SMARCC1: variants seen among roughly 807,000 people sequenced by gnomAD.
SMARCC1 encodes SWI/SNF related BAF chromatin remodeling complex subunit C1, also known as SWI/SNF complex subunit SMARCC1.
Under a neutral mutation model 147.4 loss-of-function variants are expected in SMARCC1, and 43 were observed. The observed-to-expected ratio is 0.29, with a 90% CI of 0.23 to 0.38. The LOEUF (loss-of-function observed/expected upper bound fraction) is 0.38. Ranked by LOEUF, SMARCC1 falls within the 10% of genes least tolerant of loss-of-function variation. SMARCC1 has a pLI of 1.00. For synonymous variants in SMARCC1, 495 were observed against 484.4 expected, an observed-to-expected ratio of 1.02 and a Z score of -0.29; for missense variants, 1,119 against 1,381.1, an observed-to-expected ratio of 0.81 and a Z score of 3.01.
At chr3:47,646,296 T>A (rs933054048) in intron 21 of SMARCC1, among the ~76,000 whole-genome samples, 1 of 152,260 alleles carries the variant, frequency 6.6e-6, no homozygotes, top group African/African-American at 2.4e-5. Flanking sequence ...CTCTTTGGTC[T>A]AAATTCTGGT....
At chr3:47,632,853 G>A (rs2032910999) in intron 24 of SMARCC1, among the ~76,000 whole-genome samples, 1 of 151,974 alleles carries the variant, frequency 6.6e-6, no homozygotes, top group Non-Finnish European at 1.5e-5. Flanking sequence ...CTCTACTAAA[G>A]AGTTTGAAAT....
chr3:47,645,342 A>T (rs1010014742), intron 21 of SMARCC1, among the ~76,000 whole-genome samples: 1 of 151,868 alleles, frequency 6.6e-6, no homozygotes, highest in Admixed American at 6.6e-5. Context: ...CCCCACAGTG[A>T]GTATGAGCAG....
chr3:47,614,568 C>T (rs565317523), intron 25 of SMARCC1, among the ~76,000 whole-genome samples: 132 of 152,280 alleles, frequency 8.7e-4, no homozygotes, highest in Non-Finnish European at 1.7e-3. Context: ...TTTTTCTAAA[C>T]TTACTATTTG....
chr3:47,773,503 A>G (rs556000252), intron 1 of SMARCC1, among the ~76,000 whole-genome samples: 2 of 152,324 alleles, frequency 1.3e-5, no homozygotes, highest in South Asian at 4.1e-4. Flanking sequence ...TCAGCTAGGA[A>G]GCTTCACAGC....
intron 26 of SMARCC1, among the ~76,000 whole-genome samples, chr3:47,592,449 A>G (rs2032199195): frequency 6.6e-6 from 1 of 152,328 alleles, no homozygotes; most frequent in Admixed American, 6.5e-5. Flanking sequence ...TCCTCCAACC[A>G]TTTAAACTAT....
Position 47,781,879 on chromosome 3 carries a change from C to G in SMARCC1, c.-82G>C. The G allele has an allele frequency of 3.0e-6, 3 of 998,264 alleles. No homozygotes were observed. The highest frequency in any genetic ancestry group is 3.8e-5 in the South Asian group (1 of 26,086). The allele number at this position is 998,264 out of a possible 1,614,324, so 61.8% of individuals were successfully genotyped here. On this transcript the variant is annotated 5_prime_UTR_variant, in exon 1 of 28. Coordinates refer to ENST00000254480, the MANE Select transcript of SMARCC1 (RefSeq NM_003074.4). Reference sequence around the variant, plus strand: ...GGTCGTTCCCGCGCGCACCCCCGCGCGCGTAGCCGCCACTGCCGCTTCCCG... The same window carrying G: ...GGTCGTTCCCGCGCGCACCCCCGCGGGCGTAGCCGCCACTGCCGCTTCCCG...
chr3:47,721,599 T>C (rs1374899474), intron 6 of SMARCC1, among the ~76,000 whole-genome samples: 1 of 152,184 alleles, frequency 6.6e-6, no homozygotes, highest in Admixed American at 6.5e-5. Flanking sequence ...AAGTAAAAAT[T>C]ACTTTCCAGT....
chr3:47,698,794 A>G (rs1038429752), intron 11 of SMARCC1, among the ~76,000 whole-genome samples: 14 of 152,084 alleles, frequency 9.2e-5, no homozygotes, highest in African/African-American at 3.4e-4. Context: ...CTCAATTTCA[A>G]TACTTACTAA....
At chr3:47,623,510 T>G (rs1040438053) in intron 24 of SMARCC1, among the ~76,000 whole-genome samples, 3 of 152,212 alleles carry the variant, frequency 2.0e-5, no homozygotes, top group Non-Finnish European at 4.4e-5. Context: ...GAGACCCATT[T>G]GCAAAAAGAT....
At position 47,676,762 on chromosome 3, in the gene SMARCC1, T is replaced by C. The variant is rs1229128732; in HGVS notation, c.1592A>G (p.Gln531Arg). 6.2e-7 allele frequency: 1 copy of C among 1,613,598 alleles called. No individual in the cohort carries two copies. The highest frequency in any genetic ancestry group is 1.1e-5 in the South Asian group (1 of 91,048). Residue 531 changes from glutamine to arginine, a missense_variant, in exon 17 of 28, where the codon CAG becomes CGG. Gln to Arg is a conservative substitution (Grantham distance 43). Transcript: ENST00000254480. ...AVMRVHAFLE[Q>R]WGLVNYQVDP... ...AACTTGGTAATTAACGAGTCCCCAC[T>C]GCTCTAAAAAGGCATGGACCCTAAA... is the stretch of plus-strand genomic sequence containing the variant.
intron 14 of SMARCC1, among the ~76,000 whole-genome samples, chr3:47,684,808 G>A (rs2033700822): frequency 6.6e-6 from 1 of 152,042 alleles, no homozygotes; most frequent in South Asian, 2.1e-4. Context: ...GACCCCCAAT[G>A]GATGCCTGAA....
At chr3:47,771,061 C>T (rs1442609943) in intron 2 of SMARCC1, among the ~76,000 whole-genome samples, 1 of 152,164 alleles carries the variant, frequency 6.6e-6, no homozygotes, top group Non-Finnish European at 1.5e-5. Context: ...CAGGCACCCG[C>T]CACCACGCCC....
chr3:47,722,204 C>T (rs976930072), intron 6 of SMARCC1, among the ~76,000 whole-genome samples: 2 of 151,076 alleles, frequency 1.3e-5, no homozygotes, highest in African/African-American at 4.9e-5. Flanking sequence ...TTTCAGAATA[C>T]TGAGTCCATT....
intron 19 of SMARCC1, chr3:47,663,498 C>A: frequency 1.5e-6 from 1 of 661,256 alleles, no homozygotes; most frequent in Non-Finnish European, 2.6e-6. Context: ...GTACTCCCAG[C>A]TACTCAGGGG....
chr3:47,628,674 C>T (rs1272495530), intron 24 of SMARCC1, among the ~76,000 whole-genome samples: 1 of 152,132 alleles, frequency 6.6e-6, no homozygotes, highest in African/African-American at 2.4e-5. Context: ...AAGTGATTCT[C>T]GTACCTCAGC....
intron 6 of SMARCC1, among the ~76,000 whole-genome samples, chr3:47,722,799 C>T (rs2034248775): frequency 6.6e-6 from 1 of 151,948 alleles, no homozygotes; most frequent in African/African-American, 2.4e-5. Context: ...ACTTATATAT[C>T]CCAAAAGAAG....
intron 2 of SMARCC1, among the ~76,000 whole-genome samples, chr3:47,755,609 A>G (rs1296358540): frequency 6.6e-6 from 1 of 152,030 alleles, no homozygotes; most frequent in Non-Finnish European, 1.5e-5. Flanking sequence ...CTGTAATCCC[A>G]GCACTTTGGG....
At chr3:47,664,175 C>G (rs1241398296) in intron 19 of SMARCC1, among the ~76,000 whole-genome samples, 1 of 142,284 alleles carries the variant, frequency 7.0e-6, no homozygotes. Flanking sequence ...GCTTAATAAA[C>G]TCTAAAAAAA....
At chr3:47,729,798 T>C (rs1005685894) in intron 5 of SMARCC1, among the ~76,000 whole-genome samples, 1 of 152,236 alleles carries the variant, frequency 6.6e-6, no homozygotes, top group Non-Finnish European at 1.5e-5. Context: ...TGTGCAAGCG[T>C]AACACAGATA....
Sources: gnomAD v4.1 joint callset for allele counts (sites outside exome capture counted in the v4.1 genomes callset) on GRCh38, gnomAD v4.1.1 for gene constraint, MANE v1.5 for transcripts, NCBI Gene and HGNC (gene_info 2026-07-23, HGNC 2026-07-21) for gene names.